Variants in RNPEPL1 observed in about 807,000 individuals in gnomAD.
RNPEPL1 encodes arginyl aminopeptidase like 1, also known as aminopeptidase RNPEPL1.
RNPEPL1 carries 46 observed loss-of-function variants against 69.0 expected under a neutral mutation model. The observed-to-expected ratio is 0.67, with a 90% confidence interval of 0.53 to 0.85. The LOEUF is 0.85. Ranked by LOEUF, RNPEPL1 falls within the 40% of genes least tolerant of loss-of-function variation. The pLI is 0.00. For synonymous variants in RNPEPL1, 525 were observed against 454.1 expected (o/e 1.16, Z -1.98); for missense variants, 869 against 992.5 (o/e 0.88, Z 1.67).
chr2:240,571,276 G>T (rs527921688), intron 1 of RNPEPL1, among the ~76,000 whole-genome samples: 2 of 152,292 alleles, frequency 1.3e-5, no homozygotes, highest in African/African-American at 2.4e-5. Context: ...GGCCGGGACT[G>T]CGGGGGAGGC....
In RNPEPL1 at chr2:240,577,709, G is replaced by A; in HGVS notation, c.1995G>A (p.Leu665=). 6.2e-7 allele frequency: 1 copy of A among 1,612,710 alleles called. No individual in the cohort carries two copies. The highest frequency in any genetic ancestry group is 1.1e-5 in the South Asian group (1 of 91,040). ...CGCAGGGCCGGCTGCACCCCAACCT[G>A]CGCAGAGCCATCCAGCAGATCCTGT... The part of the protein sequence containing the change: ...YQTQGRLHPN[L]RRAIQQILSQ... The change falls in exon 11 of 11, where the codon CTG becomes CTA. Residue 665 remains leucine (L), a synonymous_variant. Transcript: ENST00000270357.
Position 240,573,883 on chromosome 2 carries a change from G to A in RNPEPL1, c.930G>A (p.Met310Ile), listed in dbSNP as rs1428661589. Reference protein sequence around the residue: ...SAAERLYGPYMWGRYDIVFLP... With the variant: ...SAAERLYGPYIWGRYDIVFLP... ...CTGAGCGGCTGTATGGGCCCTACAT[G>A]TGGGGCAGGTAGGCCCCGGGGACCT... Residue 310 changes from methionine to isoleucine, a missense_variant, in exon 4 of 11, where the codon ATG becomes ATA. Physicochemically the swap from Met to Ile is conservative, Grantham distance 10. Transcript: ENST00000270357. The A allele has an allele frequency of 6.3e-7, 1 of 1,577,930 alleles. No individual in the cohort carries two copies. The highest frequency in any genetic ancestry group is 1.8e-5 in the Admixed American group (1 of 55,040).
In RNPEPL1 at chr2:240,576,816, G is replaced by A. The variant is rs372956759; in HGVS notation, c.1742-32G>A. The A allele has an allele frequency of 8.1e-5, 131 of 1,612,546 alleles. 2 individuals are homozygous for A. The Admixed American group carries it at 1.5e-3, about 19-fold the overall frequency. Reference sequence around the variant, plus strand: ...GGCCCAGGGGCTGGGGTGCAACAGCGGCCCAGCCCTGACCTGCCCCCTGCG... The same window carrying A: ...GGCCCAGGGGCTGGGGTGCAACAGCAGCCCAGCCCTGACCTGCCCCCTGCG... On this transcript the variant is annotated intron_variant, in intron 9 of 10. Coordinates refer to ENST00000270357, the MANE Select transcript of RNPEPL1 (RefSeq NM_018226.6).
chr2:240,573,410 C>A, intron 3 of RNPEPL1, 149 bp downstream of exon 3: 1 of 420,650 alleles, frequency 2.4e-6, no homozygotes, highest in Non-Finnish European at 3.6e-6. Flanking sequence ...GCCTTGGTGC[C>A]ACCGCCAGGG....
At chr2:240,574,730 A>G (rs1575437816) in intron 6 of RNPEPL1, 102 bp downstream of exon 6, 3 of 1,076,920 alleles carry the variant, frequency 2.8e-6, no homozygotes, top group Non-Finnish European at 4.1e-6. Flanking sequence ...TCTGTCCTGC[A>G]CTGTGCCTGG....
Position 240,577,915 on chromosome 2 carries a change from G to A in RNPEPL1, c.*23G>A, listed in dbSNP as rs1055023751. The A allele has an allele frequency of 1.3e-5, 19 of 1,461,540 alleles. No individual in the cohort carries two copies. Among genetic ancestry groups the A allele is most frequent in the Middle Eastern group, 2.1e-4 (1 of 4,654 alleles). 90.5% of individuals were successfully genotyped at this position (1,461,540 alleles called of 1,614,324 possible). A position where few individuals can be genotyped will look rare whatever the true frequency, so the allele number is the denominator to read the frequency against. On this transcript the variant is annotated 3_prime_UTR_variant, in exon 11 of 11. Coordinates refer to ENST00000270357, the MANE Select transcript of RNPEPL1 (RefSeq NM_018226.6). ...TAGCCCTGTTGGCGGGCTGACCCTC[G>A]ACCTCCCAGACACCACAATTGTGCC... is the stretch of plus-strand genomic sequence containing the variant.
At chr2:240,574,932 G>A in intron 6 of RNPEPL1, 98 bp from the exon 7 acceptor site, 1 of 908,652 alleles carries the variant, frequency 1.1e-6, no homozygotes, top group Non-Finnish European at 1.8e-6. Context: ...AGTGGCGCTT[G>A]GCCCTTGCTG....
chr2:240,570,917 G>A (rs2093019398), intron 1 of RNPEPL1, among the ~76,000 whole-genome samples: 1 of 152,172 alleles, frequency 6.6e-6, no homozygotes, highest in East Asian at 1.9e-4. Flanking sequence ...AGGCTACTGA[G>A]GCTGTGGGGT....
chr2:240,577,556 G>T (rs2093041213), intron 10 of RNPEPL1, 43 bp from the exon 11 acceptor site: 2 of 1,520,464 alleles, frequency 1.3e-6, no homozygotes, highest in African/African-American at 1.4e-5. Context: ...TGGCTCGAGG[G>T]GCCTGGGGAG....
At chr2:240,569,350 TG>T (rs2093014692) in intron 1 of RNPEPL1, 1 of 472,764 alleles carries the variant, frequency 2.1e-6, no homozygotes, top group Non-Finnish European at 3.7e-6. Flanking sequence ...TTCAGGTGTC[TG>T]GTCCCTGCCT....
intron 8 of RNPEPL1, 47 bp from the exon 9 acceptor site, chr2:240,576,488 C>T: frequency 1.3e-6 from 2 of 1,535,634 alleles, no homozygotes; most frequent in South Asian, 1.2e-5. Flanking sequence ...CTCAGGCAGC[C>T]CCTTCCTAGC....
chr2:240,575,212 G>A, intron 7 of RNPEPL1, 70 bp downstream of exon 7: 2 of 1,231,928 alleles, frequency 1.6e-6, no homozygotes, highest in Non-Finnish European at 1.2e-6. Context: ...TCACAGGGCT[G>A]CCTGCTCTTG....
At chr2:240,573,680 G>C in intron 3 of RNPEPL1, 95 bp from the exon 4 acceptor site, 2 of 1,057,938 alleles carry the variant, frequency 1.9e-6, no homozygotes, top group Non-Finnish European at 2.7e-6. Context: ...GGTGAGGTGT[G>C]GGTGTTACTG....
chr2:240,575,160 C>G lies in RNPEPL1; in HGVS notation c.1401+18C>G, dbSNP rs755767323. ...TTCTCCGAGTGAGCAGCCCCCTGCC[C>G]GGGACGGCCCTGCTGCCATCTGCCC... On this transcript the variant is annotated intron_variant, in intron 7 of 10. Transcript: ENST00000270357. The G allele has an allele frequency of 8.2e-6, 13 of 1,594,212 alleles. 1 individual carries two copies. Among genetic ancestry groups the G allele is most frequent in the Non-Finnish European group, 1.1e-5 (13 of 1,163,012 alleles).
intron 3 of RNPEPL1, 45 bp downstream of exon 3, chr2:240,573,306 G>A: frequency 6.6e-7 from 1 of 1,524,622 alleles, no homozygotes; most frequent in Non-Finnish European, 8.8e-7. Context: ...CAGGCCTCGG[G>A]GAGAGCCCCA....
rs114475686 is a variant in RNPEPL1, at chr2:240,572,761, G to A, written c.669+198G>A. Among the ~76,000 whole-genome samples, 462 of 152,340 alleles carry A rather than the reference G, an allele frequency of 3.0e-3. 1 individual carries two copies. Among genetic ancestry groups the A allele is most frequent in the African/African-American group, 0.011 (444 of 41,580 alleles). On this transcript the variant is annotated intron_variant, in intron 2 of 10. Transcript: ENST00000270357. Reference sequence around the variant, plus strand: ...CGGGGGAAGCCGGGCTGCCTCCAACGGGCCTGAGGGGTCGGGGTCCTGGAC... The same window carrying A: ...CGGGGGAAGCCGGGCTGCCTCCAACAGGCCTGAGGGGTCGGGGTCCTGGAC...
chr2:240,574,926 G>A, intron 6 of RNPEPL1, 104 bp from the exon 7 acceptor site: 1 of 873,746 alleles, frequency 1.1e-6, no homozygotes, highest in Non-Finnish European at 1.9e-6. Flanking sequence ...AGGGACAGTG[G>A]CGCTTGGCCC....
chr2:240,573,596 T>G (rs1314493220), intron 3 of RNPEPL1, among the ~76,000 whole-genome samples, 179 bp from the exon 4 acceptor site: 2 of 152,220 alleles, frequency 1.3e-5, no homozygotes, highest in African/African-American at 4.8e-5. Flanking sequence ...TCTGCCCTGC[T>G]GTGGGAAGGG....
chr2:240,573,259 C>G lies in RNPEPL1; in HGVS notation c.819C>G (p.Pro273=), dbSNP rs1201576742. 6.4e-7 allele frequency: 1 copy of G among 1,559,718 alleles called. No homozygotes were observed. The highest frequency in any genetic ancestry group is 1.4e-5 in the African/African-American group (1 of 73,698). ...ACCTCAAGCCGGCAGACATCGGGCC[C>G]AGGTAGGGCCTCCTGCTGGGGCCTT... is the stretch of plus-strand genomic sequence containing the variant. ...AGDLKPADIG[P]RSRVWAEPCL... The change falls in exon 3 of 11, where the codon CCC becomes CCG. Residue 273 remains proline, a splice_region_variant and synonymous_variant. Coordinates refer to ENST00000270357, the MANE Select transcript of RNPEPL1 (RefSeq NM_018226.6).
Sources: allele counts gnomAD v4.1 joint callset (sites outside exome capture counted in the v4.1 genomes callset), GRCh38; gene constraint gnomAD v4.1.1; transcripts MANE v1.5; gene names NCBI Gene and HGNC (gene_info 2026-07-23, HGNC 2026-07-21).